The following GVQW3 variants were observed in gnomAD, a reference collection of about 807,000 sequenced individuals.
GVQW3 encodes protein GVQW3.
GVQW3 carries 7 observed loss-of-function variants against 12.5 expected under a neutral mutation model. The ratio of observed to expected loss-of-function variants is 0.56; its 90% confidence interval spans 0.32 to 1.05. The LOEUF (loss-of-function observed/expected upper bound fraction) is 1.05. Among genes scored for constraint, GVQW3 ranks in the 50% least tolerant of loss-of-function variants. GVQW3 has a pLI of 0.04. For synonymous variants in GVQW3, 71 were observed against 67.2 expected (o/e 1.06, Z -0.28); for missense variants, 188 against 190.8 (o/e 0.99, Z 0.09).
rs1490937042 is a variant in GVQW3, at chr11:76,382,356, G to T, written c.465+63G>T. 3 of 1,060,310 alleles carry T rather than the reference G, an allele frequency of 2.8e-6. No homozygotes were observed. In the African/African-American group the frequency reaches 4.7e-5, roughly 17 times the overall value. The allele number at this position is 1,060,310 out of a possible 1,614,324, so 65.7% of individuals were successfully genotyped here. A position where few individuals can be genotyped will look rare whatever the true frequency, so the allele number is the denominator to read the frequency against. ...AAGCTGGTGGGGAAATGCCCCTGCCGGTATCCCATCCCAGAGTCCACTACT... is the reference window on the plus strand; with the variant it reads ...AAGCTGGTGGGGAAATGCCCCTGCCTGTATCCCATCCCAGAGTCCACTACT... On this transcript the variant is annotated intron_variant, in intron 1 of 1. Transcript: ENST00000529331.
chr11:76,400,314 A>G (rs1259859406), intron 1 of GVQW3, among the ~76,000 whole-genome samples: 2 of 151,746 alleles, frequency 1.3e-5, no homozygotes, highest in Admixed American at 1.3e-4. Flanking sequence ...GGGTTTCACC[A>G]TGTTGGCCAG....
chr11:76,384,554 C>T lies in GVQW3; in HGVS notation c.465+2261C>T, dbSNP rs540343909. On this transcript the variant is annotated intron_variant, in intron 1 of 1. Coordinates refer to ENST00000529331, the MANE Select transcript of GVQW3 (RefSeq NM_001347885.2). ...GCCAGGCTGGTCTTGAACTTCTGAC[C>T]TCAGGTGATCCACCCACCTCGGCGT... is the stretch of plus-strand genomic sequence containing the variant. Among the ~76,000 whole-genome samples the T allele has an allele frequency of 2.0e-5, 3 of 152,306 alleles. No individual in the cohort carries two copies. The South Asian group carries it at 6.2e-4, about 32-fold the overall frequency.
At position 76,381,607 on chromosome 11, in the gene GVQW3, C is replaced by G. The variant is rs955933685; in HGVS notation, c.-222C>G. Reference sequence around the variant, plus strand: ...GTGGTTGTAGGCGATTTAATTTTTCCCAGCTTTGCAGCGACTGTTGGCTTC... The same window carrying G: ...GTGGTTGTAGGCGATTTAATTTTTCGCAGCTTTGCAGCGACTGTTGGCTTC... On this transcript the variant is annotated 5_prime_UTR_variant, in exon 1 of 2. Coordinates refer to ENST00000529331, the MANE Select transcript of GVQW3 (RefSeq NM_001347885.2). The G allele has an allele frequency of 4.2e-6, 2 of 475,224 alleles. No individual in the cohort carries two copies. The highest frequency in any genetic ancestry group is 3.9e-5 in the African/African-American group (2 of 50,778). The allele number at this position is 475,224 out of a possible 1,614,324, so 29.4% of individuals were successfully genotyped here.
Position 76,387,448 on chromosome 11 carries a change from T to C in GVQW3, c.465+5155T>C, listed in dbSNP as rs73489696. ...ATCTCAAAAAAAGAAAGTTAGACAT[T>C]CTTAGCTTTTAGGCCATAGAAAAAC... is the stretch of plus-strand genomic sequence containing the variant. On this transcript the variant is annotated intron_variant, in intron 1 of 1. Coordinates refer to ENST00000529331, the MANE Select transcript of GVQW3 (RefSeq NM_001347885.2). Among the ~76,000 whole-genome samples the C allele has an allele frequency of 2.4e-3, 364 of 152,068 alleles. 3 individuals carry two copies. Among genetic ancestry groups the C allele is most frequent in the African/African-American group, 8.5e-3 (353 of 41,476 alleles).
intron 1 of GVQW3, chr11:76,382,515 CCTT>C: frequency 1.6e-6 from 1 of 609,416 alleles, no homozygotes; most frequent in Non-Finnish European, 2.9e-6. Flanking sequence ...CTGTTAGGCA[CCTT>C]CTTTGGCTGC....
chr11:76,410,301 G>A (rs1947071514), downstream of GVQW3, among the ~76,000 whole-genome samples: 1 of 152,120 alleles, frequency 6.6e-6, no homozygotes, highest in Non-Finnish European at 1.5e-5. Flanking sequence ...ACAGAACTAA[G>A]ATTTGAACCC....
intron 1 of GVQW3, among the ~76,000 whole-genome samples, chr11:76,399,463 T>C (rs1796918230): frequency 6.6e-6 from 1 of 152,184 alleles, no homozygotes; most frequent in Non-Finnish European, 1.5e-5. Context: ...TGTCTTCGTA[T>C]GTTTCTCCAG....
In GVQW3 at chr11:76,403,950, C is replaced by G. The variant is rs1478051462; in HGVS notation, c.*192C>G. 4.3e-6 allele frequency: 3 copies of G among 699,042 alleles called. No individual in the cohort carries two copies. The African/African-American group carries it at 5.3e-5, about 12-fold the overall frequency. 43.3% of individuals were successfully genotyped at this position (699,042 alleles called of 1,614,324 possible). ...CTCAATGAATTGGATGATGTCCATG[C>G]ACATTAGGGAGGGCTGCCTCTTCAT... On this transcript the variant is annotated 3_prime_UTR_variant, in exon 2 of 2. Transcript: ENST00000529331.
Position 76,384,911 on chromosome 11 carries a change from A to G in GVQW3, c.465+2618A>G, listed in dbSNP as rs550135784. ...TAGTAATCCTTGCTAAGGCCTACCC[A>G]GTGGTAATTGTTGCAGATTTATATG... On this transcript the variant is annotated intron_variant, in intron 1 of 1. Transcript: ENST00000529331. Among the ~76,000 whole-genome samples the G allele has an allele frequency of 4.1e-4, 63 of 152,360 alleles. 1 individual carries two copies. The highest frequency in any genetic ancestry group is 3.2e-3 in the Admixed American group (49 of 15,310).
downstream of GVQW3, among the ~76,000 whole-genome samples, chr11:76,409,151 C>G (rs1004400761): frequency 3.3e-5 from 5 of 152,170 alleles, no homozygotes; most frequent in Admixed American, 3.3e-4. Flanking sequence ...CCTGTGCCTC[C>G]TGTTGTTTAT....
intron 1 of GVQW3, among the ~76,000 whole-genome samples, chr11:76,393,706 CTTTAA>C (rs1478432238): frequency 1.3e-5 from 2 of 151,720 alleles, no homozygotes; most frequent in East Asian, 3.9e-4. Flanking sequence ...AATGCACATT[CTTTAA>C]TTTTTTTTTT....
intron 1 of GVQW3, among the ~76,000 whole-genome samples, chr11:76,388,614 T>C (rs1946860403): frequency 6.6e-6 from 1 of 151,726 alleles, no homozygotes; most frequent in African/African-American, 2.4e-5. Context: ...AGATGCTATC[T>C]TGTGTGCCGA....
In GVQW3 at chr11:76,407,246, T is replaced by C. The variant is rs1234683709; in HGVS notation, c.*3488T>C. ...GTGAAATTATAAATTGATATTGTTT[T>C]CTCAGAGCAATTTCGCAATGAGCAT... On this transcript the variant is annotated 3_prime_UTR_variant, in exon 2 of 2. Transcript: ENST00000529331. The C allele has an allele frequency of 2.0e-5, 3 of 152,080 alleles. No individual in the cohort carries two copies. The highest frequency in any genetic ancestry group is 7.2e-5 in the African/African-American group (3 of 41,420). The allele number at this position is 152,080 out of a possible 1,614,324, so 9.4% of individuals were successfully genotyped here. A position where few individuals can be genotyped will look rare whatever the true frequency, so the allele number is the denominator to read the frequency against.
At chr11:76,395,358 G>A (rs567825261) in intron 1 of GVQW3, among the ~76,000 whole-genome samples, 1 of 152,286 alleles carries the variant, frequency 6.6e-6, no homozygotes, top group South Asian at 2.1e-4. Flanking sequence ...GGATATGTTT[G>A]GACTCATGTA....
intron 1 of GVQW3, among the ~76,000 whole-genome samples, chr11:76,388,873 A>G (rs914039577): frequency 2.6e-5 from 4 of 152,164 alleles, no homozygotes; most frequent in African/African-American, 9.7e-5. Flanking sequence ...AGACAGATCT[A>G]TATTGGCAGA....
At position 76,382,198 on chromosome 11, in the gene GVQW3, G is replaced by A. The variant is rs199638364; in HGVS notation, c.370G>A (p.Gly124Ser). 43 of 1,536,152 alleles carry A rather than the reference G, an allele frequency of 2.8e-5. No homozygotes were observed. The African/African-American group carries it at 5.6e-4, about 20-fold the overall frequency. ...MRKISAKVIS[G>S]VLKGEPKPRK... ...GAAGATTTCTGCAAAAGTTATTTCG[G>A]GTGTTTTGAAGGGTGAGCCTAAACC... The change falls in exon 1 of 2, where the codon GGT (glycine) becomes AGT (serine). Residue 124 changes from glycine (G) to serine (S), a missense_variant. Coordinates refer to ENST00000529331, the MANE Select transcript of GVQW3 (RefSeq NM_001347885.2).
At chr11:76,395,114 A>G (rs1243227004) in intron 1 of GVQW3, 1 of 152,234 alleles carries the variant, frequency 6.6e-6, no homozygotes, top group East Asian at 1.9e-4. Flanking sequence ...AAGGGATTTT[A>G]TGGTAATTTT....
At chr11:76,391,833 A>C (rs1028799714) in intron 1 of GVQW3, among the ~76,000 whole-genome samples, 11 of 152,226 alleles carry the variant, frequency 7.2e-5, no homozygotes, top group African/African-American at 2.7e-4. Flanking sequence ...GCATGCCTGT[A>C]ATCCCAGCTA....
chr11:76,383,842 G>A (rs1313624481), intron 1 of GVQW3: 2 of 152,152 alleles, frequency 1.3e-5, no homozygotes, highest in Non-Finnish European at 2.9e-5. Flanking sequence ...GTTTAAAGAG[G>A]AAGATAATGG....
Sources: gnomAD v4.1 joint callset for allele counts (sites outside exome capture counted in the v4.1 genomes callset) on GRCh38, gnomAD v4.1.1 for gene constraint, MANE v1.5 for transcripts, NCBI Gene and HGNC (gene_info 2026-07-23, HGNC 2026-07-21) for gene names.